TTLL5: variants seen among roughly 807,000 people sequenced by gnomAD.
TTLL5 encodes tubulin polyglutamylase TTLL5.
In TTLL5, 132 loss-of-function variants were observed where a neutral mutation model predicts 168.4. That is an observed-to-expected ratio of 0.78 (90% CI 0.68 to 0.91). The LOEUF (loss-of-function observed/expected upper bound fraction) is 0.91, where lower values mean the gene tolerates loss of function less well. Ranked by LOEUF, TTLL5 falls within the 40% of genes least tolerant of loss-of-function variation. TTLL5 has a pLI of 0.00. For missense variants in TTLL5, 1,545 were observed against 1,581.5 expected (o/e 0.98, Z 0.39); for synonymous variants, 546 against 558.6 (o/e 0.98, Z 0.32).
At chr14:75,895,527 T>TAAA (rs200312162) in intron 30 of TTLL5, among the ~76,000 whole-genome samples, 14 of 152,048 alleles carry the variant, frequency 9.2e-5, no homozygotes, top group African/African-American at 2.7e-4. Flanking sequence ...GGTTTTTTTT[T>TAAA]AAAAAAAATC....
intron 28 of TTLL5, among the ~76,000 whole-genome samples, chr14:75,854,523 T>G (rs1173438189): frequency 6.6e-6 from 1 of 152,218 alleles, no homozygotes; most frequent in Admixed American, 6.5e-5. Context: ...TTCTTTTGGG[T>G]CAATACCTAG....
chr14:75,831,173 TA>T (rs1290192851), intron 28 of TTLL5, among the ~76,000 whole-genome samples: 1 of 152,132 alleles, frequency 6.6e-6, no homozygotes, highest in Non-Finnish European at 1.5e-5. Context: ...GTTAGTGAAA[TA>T]AAAAGTAAAA....
chr14:75,691,071 G>C (rs1885427578), intron 6 of TTLL5, among the ~76,000 whole-genome samples: 1 of 152,036 alleles, frequency 6.6e-6, no homozygotes, highest in Admixed American at 6.6e-5. Flanking sequence ...GCATATCTTT[G>C]GATGTTAGGG....
intron 17 of TTLL5, among the ~76,000 whole-genome samples, chr14:75,747,702 G>A (rs545194159): frequency 6.4e-4 from 98 of 152,042 alleles, no homozygotes; most frequent in Non-Finnish European, 1.2e-3. Context: ...TTACCTCCAC[G>A]TTCAATGAGA....
chr14:75,841,180 A>G (rs1896215952), intron 28 of TTLL5, among the ~76,000 whole-genome samples: 1 of 152,228 alleles, frequency 6.6e-6, no homozygotes, highest in African/African-American at 2.4e-5. Flanking sequence ...TGGGAATCAC[A>G]TTTCAACATG....
At chr14:75,676,223 A>G (rs1046168634) in intron 3 of TTLL5, among the ~76,000 whole-genome samples, 1 of 152,212 alleles carries the variant, frequency 6.6e-6, no homozygotes. Flanking sequence ...ACAGACACCT[A>G]TAAATGACAT....
intron 23 of TTLL5, among the ~76,000 whole-genome samples, chr14:75,779,164 G>A (rs908957231): frequency 5.3e-5 from 8 of 152,158 alleles, no homozygotes; most frequent in Admixed American, 2.6e-4. Flanking sequence ...AAAACAAGTC[G>A]CTGGTCAGGT....
rs148523253 is a variant in TTLL5 at position 75,820,143 on chromosome 14, C to G, written c.3308C>G (p.Ser1103Cys). ...GACCCCCAAGCTCCCGAGAATCACT[C>G]CAGCTCTCCTGGAAGCAGGTATGTG... ...QSDPQAPENHSSSPGSRSLQT... is the reference protein window; with the variant it reads ...QSDPQAPENHCSSPGSRSLQT... Residue 1103 changes from serine to cysteine, a missense_variant, in exon 28 of 32, where the codon TCC becomes TGC. Coordinates refer to ENST00000298832, the MANE Select transcript of TTLL5 (RefSeq NM_015072.5). 1 of 1,594,120 alleles carries G rather than the reference C, an allele frequency of 6.3e-7. No individual in the cohort carries two copies. Among genetic ancestry groups the G allele is most frequent in the Non-Finnish European group, 8.5e-7 (1 of 1,171,416 alleles).
intron 15 of TTLL5, 118 bp downstream of exon 15, chr14:75,735,407 G>T (rs962886770): frequency 1.2e-4 from 113 of 917,928 alleles, no homozygotes; most frequent in Non-Finnish European, 1.9e-4. Context: ...AGAATTTGGG[G>T]ATCACTCTAG....
chr14:75,894,887 C>T (rs1049282199), intron 30 of TTLL5, among the ~76,000 whole-genome samples: 3 of 152,184 alleles, frequency 2.0e-5, no homozygotes, highest in Admixed American at 2.0e-4. Flanking sequence ...CTTGTATGCA[C>T]TTAACATCAT....
intron 31 of TTLL5, among the ~76,000 whole-genome samples, chr14:75,913,613 A>G (rs2140117759): frequency 6.6e-6 from 1 of 152,318 alleles, no homozygotes; most frequent in South Asian, 2.1e-4. Flanking sequence ...ATAACCAAAA[A>G]TAAAAAAGAA....
intron 29 of TTLL5, among the ~76,000 whole-genome samples, chr14:75,866,022 A>G (rs2030487768): frequency 6.6e-6 from 1 of 152,204 alleles, no homozygotes; most frequent in African/African-American, 2.4e-5. Context: ...AGTAAGGGTG[A>G]AGTTTCTGGG....
Position 75,863,849 on chromosome 14 carries a change from G to C in TTLL5, c.3509G>C (p.Arg1170Pro), listed in dbSNP as rs775778847. Residue 1170 changes from arginine to proline, a missense_variant, in exon 29 of 32, where the codon CGA (arginine) becomes CCA (proline). Arg to Pro is a moderately radical substitution (Grantham distance 103, BLOSUM62 -2). Transcript: ENST00000298832. ...TCCCGGCAGCTCCTGGACCAGAGTC[G>C]AGCCCGGCACCAGGTAATTCAAGAT... ...LQSRQLLDQS[R>P]ARHQAIFGSQ... 2.6e-6 allele frequency: 4 copies of C among 1,514,946 alleles called. No homozygotes were observed. In the South Asian group the frequency reaches 3.4e-5, roughly 13 times the overall value. 93.8% of individuals were successfully genotyped at this position (1,514,946 alleles called of 1,614,324 possible). A position where few individuals can be genotyped will look rare whatever the true frequency, so the allele number is the denominator to read the frequency against.
chr14:75,691,445 C>T lies in TTLL5; in HGVS notation c.502+1123C>T, dbSNP rs540147554. ...CTAACATTTACTGAATGTTTACTTT[C>T]TAGTAGGCACCTCTACTCTGGTAGT... On this transcript the variant is annotated intron_variant, in intron 6 of 31. Coordinates refer to ENST00000298832, the MANE Select transcript of TTLL5 (RefSeq NM_015072.5). Among the ~76,000 whole-genome samples, 5 of 152,272 alleles carry T rather than the reference C, an allele frequency of 3.3e-5. No homozygotes were observed. In the East Asian group the frequency reaches 7.7e-4, roughly 24 times the overall value.
intron 18 of TTLL5, among the ~76,000 whole-genome samples, chr14:75,757,134 C>T (rs374440552): frequency 2.6e-5 from 4 of 152,062 alleles, no homozygotes; most frequent in Non-Finnish European, 5.9e-5. Flanking sequence ...CACGCCACCA[C>T]GCCTGGCTGA....
In TTLL5 at chr14:75,952,951, C is replaced by T. The variant is rs140141179; in HGVS notation, c.3824-1473C>T. Among the ~76,000 whole-genome samples the T allele has an allele frequency of 6.0e-3, 911 of 152,148 alleles. 9 individuals are homozygous for T. Among genetic ancestry groups the T allele is most frequent in the African/African-American group, 0.021 (852 of 41,490 alleles). ...AAAATTGACTATGATGACGGATGCA[C>T]AACTCTGAATATAATATACTAAAAG... is the stretch of plus-strand genomic sequence containing the variant. On this transcript the variant is annotated intron_variant, in intron 31 of 31. Transcript: ENST00000298832.
chr14:75,761,039 T>C (rs1395247173), intron 18 of TTLL5, among the ~76,000 whole-genome samples: 2 of 151,980 alleles, frequency 1.3e-5, no homozygotes, highest in East Asian at 1.9e-4. Context: ...AACTCAATAA[T>C]AAAAAGACCA....
At chr14:75,802,038 C>T (rs549250226) in intron 27 of TTLL5, among the ~76,000 whole-genome samples, 4 of 152,150 alleles carry the variant, frequency 2.6e-5, no homozygotes, top group South Asian at 2.1e-4. Context: ...TTCATATTCT[C>T]GATTCTTATT....
chr14:75,925,487 G>A (rs1488338373), intron 31 of TTLL5, among the ~76,000 whole-genome samples: 2 of 142,784 alleles, frequency 1.4e-5, no homozygotes, highest in Non-Finnish European at 3.0e-5. Flanking sequence ...CACATCTCAG[G>A]CGATGGGCGG....
Sources: allele counts gnomAD v4.1 joint callset (sites outside exome capture counted in the v4.1 genomes callset), GRCh38; gene constraint gnomAD v4.1.1; transcripts MANE v1.5; gene names NCBI Gene and HGNC (gene_info 2026-07-23, HGNC 2026-07-21).